DNAH7: variants seen among roughly 807,000 people sequenced by gnomAD.
DNAH7 encodes the protein axonemal beta dynein heavy chain 7.
A neutral mutation model predicts 444.6 loss-of-function variants in DNAH7; 397 were observed. That is an observed-to-expected ratio of 0.89 (90% confidence interval 0.82 to 0.97). The LOEUF (loss-of-function observed/expected upper bound fraction) is 0.97. Among genes scored for constraint, DNAH7 ranks in the 50% least tolerant of loss-of-function variants. DNAH7 has a pLI of 0.00. For synonymous variants in DNAH7, 1,636 were observed against 1,624.4 expected, an observed-to-expected ratio of 1.01 and a Z score of -0.17; for missense variants, 4,902 against 4,800.8, an observed-to-expected ratio of 1.02 and a Z score of -0.62.
chr2:195,878,155 T>C (rs1276728339), intron 36 of DNAH7, among the ~76,000 whole-genome samples: 2 of 152,226 alleles, frequency 1.3e-5, no homozygotes, highest in East Asian at 1.9e-4. Context: ...TTAAAAATTA[T>C]TGCTTAAGAC....
At chr2:195,976,213 T>C (rs1402700680) in intron 15 of DNAH7, among the ~76,000 whole-genome samples, 1 of 150,932 alleles carries the variant, frequency 6.6e-6, no homozygotes, top group Non-Finnish European at 1.5e-5. Flanking sequence ...TGAAAGTGGG[T>C]CCTAGGTTTA....
At chr2:195,993,430 C>T (rs373532453) in intron 12 of DNAH7, among the ~76,000 whole-genome samples, 7 of 151,964 alleles carry the variant, frequency 4.6e-5, no homozygotes, top group African/African-American at 1.7e-4. Context: ...AAAAAAAATA[C>T]AAAAAGTCTA....
chr2:195,757,313 A>G (rs1198614290), intron 61 of DNAH7, among the ~76,000 whole-genome samples: 1 of 152,202 alleles, frequency 6.6e-6, no homozygotes, highest in African/African-American at 2.4e-5. Flanking sequence ...AAATGCTTTG[A>G]AAAGTTAAAA....
chr2:195,739,122 A>C (rs552119291), intron 64 of DNAH7, among the ~76,000 whole-genome samples: 237 of 152,338 alleles, frequency 1.6e-3, no homozygotes, highest in African/African-American at 5.5e-3. Flanking sequence ...TCCATTTATA[A>C]ATTAATTTCT....
intron 12 of DNAH7, among the ~76,000 whole-genome samples, chr2:195,990,032 T>G (rs1559309315): frequency 6.6e-6 from 1 of 152,228 alleles, no homozygotes; most frequent in Non-Finnish European, 1.5e-5. Context: ...TCCCATTATG[T>G]GGGCTCTTTA....
Position 195,793,985 on chromosome 2 carries a change from G to T in DNAH7, c.10716+353C>A, listed in dbSNP as rs565427263. Among the ~76,000 whole-genome samples the T allele has an allele frequency of 1.6e-4, 25 of 152,172 alleles. No homozygotes were observed. In the South Asian group the frequency reaches 5.2e-3, roughly 32 times the overall value. The stretch of plus-strand genomic sequence containing the variant: ...AAATATTTTTATGTTTTAATTTAGA[G>T]ACATGGCTCTAAATAGCACAAGGCT... On this transcript the variant is annotated intron_variant, in intron 57 of 64. Transcript: ENST00000312428.
At chr2:195,921,005 C>T (rs1467097127) in intron 24 of DNAH7, among the ~76,000 whole-genome samples, 4 of 152,066 alleles carry the variant, frequency 2.6e-5, no homozygotes, top group Non-Finnish European at 4.4e-5. Flanking sequence ...CAAATCAAAA[C>T]CACAATTTGA....
intron 28 of DNAH7, among the ~76,000 whole-genome samples, chr2:195,899,707 A>G (rs1296242827): frequency 6.6e-6 from 1 of 152,210 alleles, no homozygotes; most frequent in African/African-American, 2.4e-5. Flanking sequence ...TTTTTCTATT[A>G]AGTAAGCCTA....
At position 195,799,299 on chromosome 2, in the gene DNAH7, GT is replaced by G. The variant is rs1696331906; in HGVS notation, c.10349del (p.Asp3450AlafsTer23). On this transcript the variant is annotated frameshift_variant, in exon 55 of 65. Transcript: ENST00000312428. LOFTEE classifies it high-confidence loss of function. The part of the protein sequence containing the change: ...PMAALLKFAD[D>X]QGYGGSKLSS... ...AACTTCATCTATTGTAAGGTACCTG[GT>G]CATCAGCAAATTTTAGAAGGGCAGC... 6.3e-7 allele frequency: 1 copy of G among 1,578,794 alleles called. No homozygotes were observed. The highest frequency in any genetic ancestry group is 1.4e-5 in the African/African-American group (1 of 73,308).
chr2:195,888,481 A>G lies in DNAH7; in HGVS notation c.5230-47T>C, dbSNP rs762383518. The G allele has an allele frequency of 3.3e-6, 5 of 1,523,822 alleles. No individual in the cohort carries two copies. In the Admixed American group the frequency reaches 1.3e-4, roughly 39 times the overall value. 94.4% of individuals were successfully genotyped at this position (1,523,822 alleles called of 1,614,324 possible). ...CCATCAAGGTAATAATGCTTATAAA[A>G]TAAATATGATTTGGCACCTCTGTTT... On this transcript the variant is annotated intron_variant, in intron 32 of 64. Transcript: ENST00000312428.
At chr2:195,997,464 G>A (rs1461100663) in intron 12 of DNAH7, among the ~76,000 whole-genome samples, 2 of 152,134 alleles carry the variant, frequency 1.3e-5, no homozygotes, top group African/African-American at 4.8e-5. Context: ...CCAGTGAGCC[G>A]AGATCACATC....
Position 195,906,927 on chromosome 2 carries a change from T to C in DNAH7, c.4187A>G (p.Gln1396Arg). The C allele has an allele frequency of 6.2e-7, 1 of 1,613,052 alleles. No individual in the cohort carries two copies. Among genetic ancestry groups the C allele is most frequent in the Non-Finnish European group, 8.5e-7 (1 of 1,179,448 alleles). Residue 1396 changes from glutamine (Q) to arginine (R), a missense_variant, in exon 26 of 65, where the codon CAA becomes CGA. Coordinates refer to ENST00000312428, the MANE Select transcript of DNAH7 (RefSeq NM_018897.3). ...ATTACCTCTTTGGATAGTAAGGATT[T>C]GTTGAGCAACCACAGAGAGTACTTC... ...DLEVLSVVAQQILTIQRGINA... is the reference protein window; with the variant it reads ...DLEVLSVVAQRILTIQRGINA...
intron 42 of DNAH7, among the ~76,000 whole-genome samples, chr2:195,859,958 C>T (rs951482181): frequency 2.0e-5 from 3 of 151,970 alleles, no homozygotes; most frequent in Admixed American, 6.6e-5. Flanking sequence ...ACCTGGCTGT[C>T]GTGATCTGAA....
At chr2:196,061,954 T>C (rs1362077626) in intron 1 of DNAH7, among the ~76,000 whole-genome samples, 1 of 152,216 alleles carries the variant, frequency 6.6e-6, no homozygotes, top group Non-Finnish European at 1.5e-5. Context: ...GACTTAAAAA[T>C]ATACATGTGA....
At chr2:195,924,642 T>C (rs978880109) in intron 22 of DNAH7, among the ~76,000 whole-genome samples, 7 of 151,536 alleles carry the variant, frequency 4.6e-5, no homozygotes, top group Non-Finnish European at 7.4e-5. Context: ...CACAGCACCA[T>C]GCAGCCCTGA....
Position 195,900,462 on chromosome 2 carries a change from A to G in DNAH7, c.4368T>C (p.Pro1456=). ...CTATTTCAGCAATCATGGCATAGTC[A>G]GGTACCATCATTGCTACTGTCCGAA... ...ALFRTVAMMV[P]DYAMIAEIVL... Residue 1456 remains proline, a synonymous_variant, in exon 28 of 65, where the codon CCT becomes CCC. Transcript: ENST00000312428. 3 of 1,614,012 alleles carry G rather than the reference A, an allele frequency of 1.9e-6. No homozygotes were observed. Among genetic ancestry groups the G allele is most frequent in the Non-Finnish European group, 1.7e-6 (2 of 1,179,874 alleles).
intron 9 of DNAH7, among the ~76,000 whole-genome samples, chr2:196,016,409 A>C (rs1177538971): frequency 6.6e-6 from 1 of 152,220 alleles, no homozygotes; most frequent in Non-Finnish European, 1.5e-5. Flanking sequence ...TTCAAAAGAA[A>C]AGAAATGACA....
intron 59 of DNAH7, among the ~76,000 whole-genome samples, chr2:195,776,847 C>T (rs1396708069): frequency 6.6e-6 from 1 of 151,604 alleles, no homozygotes; most frequent in African/African-American, 2.4e-5. Flanking sequence ...TACAAACATC[C>T]ACACACACAC....
Position 195,950,456 on chromosome 2 carries a change from C to A in DNAH7, c.3078+6805G>T, listed in dbSNP as rs575413493. ...ATTTCTGTGGGGCCGGTGGTGATAT[C>A]CCCTTTATCATTTTTTTTATTGTGT... On this transcript the variant is annotated intron_variant, in intron 19 of 64. Coordinates refer to ENST00000312428, the MANE Select transcript of DNAH7 (RefSeq NM_018897.3). Among the ~76,000 whole-genome samples, 13 of 152,040 alleles carry A rather than the reference C, an allele frequency of 8.6e-5. No homozygotes were observed. The South Asian group carries it at 2.7e-3, about 32-fold the overall frequency.
Sources: gnomAD v4.1 joint callset for allele counts (sites outside exome capture counted in the v4.1 genomes callset) on GRCh38, gnomAD v4.1.1 for gene constraint, MANE v1.5 for transcripts, NCBI Gene and HGNC (gene_info 2026-07-23, HGNC 2026-07-21) for gene names.